CSMD2: variants seen among roughly 807,000 people sequenced by gnomAD.
The protein encoded by CSMD2 is CUB and sushi domain-containing protein 2.
A neutral mutation model predicts 398.5 loss-of-function variants in CSMD2; 130 were observed. The ratio of observed to expected loss-of-function variants is 0.33; its 90% CI spans 0.28 to 0.38. The LOEUF (loss-of-function observed/expected upper bound fraction) is 0.38. Ranked by LOEUF, CSMD2 falls within the 10% of genes least tolerant of loss-of-function variation. CSMD2 has a pLI of 1.00. For missense variants in CSMD2, 3,829 were observed against 4,764.9 expected (o/e 0.80, Z 5.78); for synonymous variants, 1,828 against 1,908.5 (o/e 0.96, Z 1.10).
chr1:33,602,384 T>A lies in CSMD2; in HGVS notation c.6695A>T (p.Asp2232Val). Residue 2232 changes from aspartate (D) to valine (V), a missense_variant, in exon 43 of 71, where the codon GAT (aspartate) becomes GTT (valine). Asp to Val is a radical substitution (Grantham distance 152). This residue lies in a region of CSMD2 where 723 missense variants were observed against 758.6 expected (regional missense o/e 0.95). Transcript: ENST00000373381. The part of the protein sequence containing the change: ...LSLLQTEPSG[D>V]FITIWDGPQQ... ...CCTGGCCTACCAGATGGTGATGAAA[T>A]CTCCAGAGGGCTCTGTCTGCAGCAG... The A allele has an allele frequency of 6.2e-7, 1 of 1,613,646 alleles. No homozygotes were observed. Among genetic ancestry groups the A allele is most frequent in the Non-Finnish European group, 8.5e-7 (1 of 1,179,898 alleles).
At chr1:33,562,140 A>G (rs1011413914) in intron 53 of CSMD2, among the ~76,000 whole-genome samples, 1 of 151,682 alleles carries the variant, frequency 6.6e-6, no homozygotes, top group Admixed American at 6.6e-5. Context: ...CTGATAGATC[A>G]AATAAGATAA....
chr1:34,101,272 T>G (rs57282260), intron 1 of CSMD2, among the ~76,000 whole-genome samples: 2,750 of 152,242 alleles, frequency 0.018, 50 homozygotes, highest in East Asian at 0.053. Context: ...ATGCTTTGAG[T>G]TTCTGGTCAA....
At chr1:33,686,215 C>T (rs1041104359) in intron 25 of CSMD2, among the ~76,000 whole-genome samples, 5 of 152,212 alleles carry the variant, frequency 3.3e-5, no homozygotes, top group African/African-American at 1.2e-4. Context: ...TTCCAGTTTT[C>T]ATCTGAGCTC....
chr1:33,680,214 G>A (rs1443122511), intron 25 of CSMD2, among the ~76,000 whole-genome samples: 1 of 122,020 alleles, frequency 8.2e-6, no homozygotes, highest in Non-Finnish European at 1.7e-5. Context: ...TTACTTCCAT[G>A]TGTTCTCATG....
intron 3 of CSMD2, among the ~76,000 whole-genome samples, chr1:34,023,812 T>A (rs1468732464): frequency 6.6e-6 from 1 of 152,114 alleles, no homozygotes; most frequent in Non-Finnish European, 1.5e-5. Flanking sequence ...AGAGGTGTAG[T>A]TCCTTATCTA....
chr1:33,582,798 C>CACA (rs1638821108), intron 47 of CSMD2, among the ~76,000 whole-genome samples: 2 of 152,132 alleles, frequency 1.3e-5, no homozygotes, highest in African/African-American at 2.4e-5. Flanking sequence ...AAAGTAGGAG[C>CACA]CTCAATTGTA....
At position 33,537,516 on chromosome 1, in the gene CSMD2, G is replaced by T. The variant is rs1484059220; in HGVS notation, c.9725C>A (p.Pro3242His). ...YRSSVSFSCH[P>H]PLVLVGSPRR... Reference sequence around the variant, plus strand: ...TGGAGAGCCCACCAGCACCAGAGGGGGATGGCAGGAGAAGGAGACAGATGA... The same window carrying T: ...TGGAGAGCCCACCAGCACCAGAGGGTGATGGCAGGAGAAGGAGACAGATGA... Residue 3242 changes from proline to histidine, a missense_variant, in exon 61 of 71, where the codon CCC (proline) becomes CAC (histidine). By Grantham distance (77) the Pro-to-His change is moderately conservative. Coordinates refer to ENST00000373381, the MANE Select transcript of CSMD2 (RefSeq NM_001281956.2). The surrounding 1 kb of genome is among the most constrained non-coding windows in gnomAD (Gnocchi z 4.6). The T allele has an allele frequency of 6.2e-7, 1 of 1,614,076 alleles. No homozygotes were observed. Among genetic ancestry groups the T allele is most frequent in the Admixed American group, 1.7e-5 (1 of 60,014 alleles).
rs777685169 is a variant in CSMD2, at chr1:33,782,878, AT to A, written c.1663+5721del. On this transcript the variant is annotated intron_variant, in intron 12 of 70. Transcript: ENST00000373381. ...ATCCTAAAATCAATGGGAAGTTGTCATTTTTTTTTTAACTAGGGGGGAATTG... is the reference window on the plus strand; with the variant it reads ...ATCCTAAAATCAATGGGAAGTTGTCATTTTTTTTTAACTAGGGGGGAATTG... 2.2e-4 allele frequency among the ~76,000 whole-genome samples: 33 copies of A among 149,820 alleles called. 2 individuals carry two copies. Among genetic ancestry groups the A allele is most frequent in the Admixed American group, 1.3e-3 (19 of 15,034 alleles).
chr1:33,830,024 G>A lies in CSMD2; in HGVS notation c.1034-4250C>T, dbSNP rs1160513190. Among the ~76,000 whole-genome samples, 7 of 152,340 alleles carry A rather than the reference G, an allele frequency of 4.6e-5. No homozygotes were observed. In the East Asian group the frequency reaches 1.2e-3, roughly 25 times the overall value. ...AGCTGGGAAGCTCGAACTGGGTGGA[G>A]TGCACCACTGCTCAAGGAGGCCTGC... On this transcript the variant is annotated intron_variant, in intron 6 of 70. Coordinates refer to ENST00000373381, the MANE Select transcript of CSMD2 (RefSeq NM_001281956.2).
intron 3 of CSMD2, among the ~76,000 whole-genome samples, chr1:34,012,888 G>C (rs1647553271): frequency 6.6e-6 from 1 of 152,222 alleles, no homozygotes; most frequent in South Asian, 2.1e-4. Context: ...TAGCTGCCAG[G>C]GCCTGGGCAC....
chr1:34,120,566 T>C (rs1662072318), intron 1 of CSMD2, among the ~76,000 whole-genome samples: 1 of 152,170 alleles, frequency 6.6e-6, no homozygotes, highest in Non-Finnish European at 1.5e-5. Flanking sequence ...TTTTTTGAGA[T>C]TGAGTTTTGC....
intron 25 of CSMD2, among the ~76,000 whole-genome samples, chr1:33,673,310 G>A (rs958749664): frequency 6.6e-6 from 1 of 152,214 alleles, no homozygotes; most frequent in Admixed American, 6.5e-5. Flanking sequence ...ACTACGTGAC[G>A]AATGCACAAG....
intron 49 of CSMD2, among the ~76,000 whole-genome samples, chr1:33,573,664 G>A (rs549214065): frequency 6.6e-6 from 1 of 152,056 alleles, no homozygotes; most frequent in Non-Finnish European, 1.5e-5. Context: ...CAGAAAACAC[G>A]GATCAATCCT....
chr1:33,980,763 T>C (rs1024368124), intron 3 of CSMD2, among the ~76,000 whole-genome samples: 11 of 152,138 alleles, frequency 7.2e-5, no homozygotes. Flanking sequence ...AACAAGTATA[T>C]GCAAATGCTA....
chr1:33,822,672 G>A (rs1027449339), intron 7 of CSMD2, among the ~76,000 whole-genome samples: 1 of 152,154 alleles, frequency 6.6e-6, no homozygotes, highest in African/African-American at 2.4e-5. Context: ...CATTCCCGAA[G>A]CAGAGGAAGC....
chr1:33,609,525 T>C (rs1640856858), intron 41 of CSMD2, among the ~76,000 whole-genome samples: 1 of 152,152 alleles, frequency 6.6e-6, no homozygotes, highest in African/African-American at 2.4e-5. Flanking sequence ...AACTAAACAA[T>C]AGTAGCCGTT....
intron 42 of CSMD2, among the ~76,000 whole-genome samples, chr1:33,604,746 A>G (rs1166896514): frequency 6.6e-6 from 1 of 152,234 alleles, no homozygotes; most frequent in African/African-American, 2.4e-5. Flanking sequence ...TGGGTAAGGA[A>G]GAAGACCCAA....
chr1:33,694,877 C>G (rs1320467205), intron 24 of CSMD2, among the ~76,000 whole-genome samples: 1 of 152,160 alleles, frequency 6.6e-6, no homozygotes, highest in Non-Finnish European at 1.5e-5. Context: ...TTGATAGCAA[C>G]AGGACCTCTG....
intron 13 of CSMD2, among the ~76,000 whole-genome samples, chr1:33,769,406 T>C (rs1650969380): frequency 6.6e-6 from 1 of 152,218 alleles, no homozygotes; most frequent in Non-Finnish European, 1.5e-5. Flanking sequence ...TTCCCATTGA[T>C]TTTGAGCAGG....
Sources: allele counts gnomAD v4.1 joint callset (sites outside exome capture counted in the v4.1 genomes callset), GRCh38; gene constraint gnomAD v4.1.1; regional missense constraint gnomAD v4.1.1; non-coding constraint Gnocchi (gnomAD v3.1); transcripts MANE v1.5; gene names NCBI Gene and HGNC (gene_info 2026-07-23, HGNC 2026-07-21).